SSH2: variants seen among roughly 807,000 people sequenced by gnomAD.
SSH2 encodes the protein slingshot protein phosphatase 2, also known as protein phosphatase Slingshot homolog 2.
Under a neutral mutation model 135.2 loss-of-function variants are expected in SSH2, and 37 were observed. That is an observed-to-expected ratio of 0.27 (90% CI 0.21 to 0.36). The LOEUF (loss-of-function observed/expected upper bound fraction) is 0.36. SSH2 is among the 10% of genes least tolerant of loss of function. The pLI is 1.00. For missense variants in SSH2, 1,408 were observed against 1,765.3 expected, an observed-to-expected ratio of 0.80 and a Z score of 3.63; for synonymous variants, 628 against 646.2, an observed-to-expected ratio of 0.97 and a Z score of 0.43.
At chr17:29,872,747 A>G (rs2065959401) in intron 1 of SSH2, among the ~76,000 whole-genome samples, 1 of 152,238 alleles carries the variant, frequency 6.6e-6, no homozygotes, top group Non-Finnish European at 1.5e-5. Context: ...CTGTAATTCC[A>G]GCACTTTGGG....
intron 1 of SSH2, among the ~76,000 whole-genome samples, 167 bp from the exon 2 acceptor site, chr17:29,849,096 G>T (rs920303603): frequency 2.0e-5 from 3 of 152,194 alleles, no homozygotes; most frequent in Admixed American, 1.3e-4. Flanking sequence ...CAAGGTGACT[G>T]GTTAGTTGAT....
chr17:29,749,605 C>T (rs765136028), intron 3 of SSH2, among the ~76,000 whole-genome samples: 1 of 152,320 alleles, frequency 6.6e-6, no homozygotes, highest in Non-Finnish European at 1.5e-5. Context: ...CTGGAAGTTG[C>T]TCTGGGTGAG....
chr17:29,913,210 T>C (rs1347898516), intron 1 of SSH2, among the ~76,000 whole-genome samples: 2 of 145,256 alleles, frequency 1.4e-5, no homozygotes, highest in Admixed American at 7.0e-5. Flanking sequence ...CCCAGCCACT[T>C]GGGAGGCTGA....
intron 4 of SSH2, among the ~76,000 whole-genome samples, chr17:29,701,404 C>CTTTTTT (rs55721735): frequency 1.1e-5 from 1 of 90,338 alleles, no homozygotes; most frequent in Non-Finnish European, 2.1e-5. Context: ...GTGCCTGGCT[C>CTTTTTT]TTTTTTTTTT....
Position 29,666,931 on chromosome 17 carries a change from T to C in SSH2, c.968A>G (p.Asn323Ser). Residue 323 changes from asparagine (N) to serine (S), a missense_variant, in exon 11 of 16, where the codon AAT (asparagine) becomes AGT (serine). This residue lies in a region of SSH2 where 106 missense variants were observed against 265.2 expected (regional missense o/e 0.40). Transcript: ENST00000540801. Reference protein sequence around the residue: ...NLREFKEFIDNEMIVILGQMD... With the variant: ...NLREFKEFIDSEMIVILGQMD... The stretch of plus-strand genomic sequence containing the variant: ...TTGACCAAGGATCACTATCATTTCA[T>C]TGTCTATAAATTCCTTGAATTCCCG... 6.2e-7 allele frequency: 1 copy of C among 1,614,138 alleles called. No individual in the cohort carries two copies. The highest frequency in any genetic ancestry group is 8.5e-7 in the Non-Finnish European group (1 of 1,179,982).
At chr17:29,738,495 C>T (rs2040443519) in intron 3 of SSH2, among the ~76,000 whole-genome samples, 1 of 151,658 alleles carries the variant, frequency 6.6e-6, no homozygotes, top group Non-Finnish European at 1.5e-5. Flanking sequence ...TCCTTGAGAC[C>T]TTGAGAAAGT....
In SSH2 at chr17:29,671,133, A is replaced by T. The variant is rs564381440; in HGVS notation, c.809+802T>A. ...TACTGACAAGGACTTAACAAGGCAAAGGTAGAGCAGAATGACATCTGAATG... is the reference window on the plus strand; with the variant it reads ...TACTGACAAGGACTTAACAAGGCAATGGTAGAGCAGAATGACATCTGAATG... On this transcript the variant is annotated intron_variant, in intron 9 of 15. Coordinates refer to ENST00000540801, the MANE Select transcript of SSH2 (RefSeq NM_001282129.2). 1.8e-4 allele frequency among the ~76,000 whole-genome samples: 28 copies of T among 152,296 alleles called. 1 individual carries two copies. The highest frequency in any genetic ancestry group is 6.7e-4 in the African/African-American group (28 of 41,556).
At chr17:29,761,100 A>G in intron 3 of SSH2, 1 of 1,286,292 alleles carries the variant, frequency 7.8e-7, no homozygotes, top group Non-Finnish European at 1.0e-6. Context: ...CTGCTGAAAG[A>G]GCAAACTTTC....
In SSH2 at chr17:29,630,880, G is replaced by T. The variant is rs1162319089; in HGVS notation, c.4314C>A (p.Asp1438Glu). ...HPLRRLKKAN[D>E]KKRTTNPFYN... ...AGAAGGGGTTGGTTGTCCGTTTTTT[G>T]TCATTTGCCTTTTTCAGTCTCCTAA... Residue 1438 changes from aspartate (D) to glutamate (E), a missense_variant, in exon 16 of 16, where the codon GAC (aspartate) becomes GAA (glutamate). Physicochemically the swap from Asp to Glu is conservative, Grantham distance 45 (BLOSUM62 2). Around this residue, in one of 3 missense-constraint regions of SSH2, gnomAD observed 1,080 missense variants for 1,144.5 expected, o/e 0.94. Transcript: ENST00000540801. 8 of 1,568,374 alleles carry T rather than the reference G, an allele frequency of 5.1e-6. No homozygotes were observed. In the Admixed American group the frequency reaches 9.4e-5, roughly 18 times the overall value.
At chr17:29,913,866 T>C (rs2151477827) in intron 1 of SSH2, among the ~76,000 whole-genome samples, 1 of 152,112 alleles carries the variant, frequency 6.6e-6, no homozygotes, top group South Asian at 2.1e-4. Context: ...ACTCCCGACC[T>C]CAGGTGATCC....
chr17:29,832,079 A>G (rs2042855726), intron 2 of SSH2, among the ~76,000 whole-genome samples: 1 of 152,114 alleles, frequency 6.6e-6, no homozygotes, highest in Admixed American at 6.5e-5. Flanking sequence ...TACTTACCAC[A>G]CTGTATTTCA....
At chr17:29,903,054 C>T (rs1308899263) in intron 1 of SSH2, among the ~76,000 whole-genome samples, 1 of 151,644 alleles carries the variant, frequency 6.6e-6, no homozygotes, top group African/African-American at 2.4e-5. Context: ...GGCATGGTGC[C>T]GGGCGCCTGT....
At chr17:29,651,298 A>G (rs1394532953) in intron 12 of SSH2, among the ~76,000 whole-genome samples, 1 of 152,244 alleles carries the variant, frequency 6.6e-6, no homozygotes, top group Non-Finnish European at 1.5e-5. Context: ...CCAGATTGTT[A>G]GGCTTTGTGC....
intron 1 of SSH2, among the ~76,000 whole-genome samples, chr17:29,904,617 C>T (rs2151464333): frequency 6.6e-6 from 1 of 152,272 alleles, no homozygotes; most frequent in African/African-American, 2.4e-5. Context: ...TCTCTCACCA[C>T]TCCTATCAAC....
At chr17:29,664,590 C>T (rs1598749286) in intron 11 of SSH2, among the ~76,000 whole-genome samples, 1 of 152,158 alleles carries the variant, frequency 6.6e-6, no homozygotes, top group Non-Finnish European at 1.5e-5. Context: ...AACTCCCAGG[C>T]TCAGGTGATT....
chr17:29,916,895 T>C (rs1254062410), intron 1 of SSH2, among the ~76,000 whole-genome samples: 3 of 152,168 alleles, frequency 2.0e-5, no homozygotes, highest in African/African-American at 7.2e-5. Flanking sequence ...AAATTCCTAC[T>C]GTTTCTATTT....
At chr17:29,711,833 A>G (rs553966123) in intron 3 of SSH2, among the ~76,000 whole-genome samples, 40 of 152,132 alleles carry the variant, frequency 2.6e-4, no homozygotes, top group African/African-American at 9.6e-4. Flanking sequence ...GGTATGGGAC[A>G]CTCTGCTCCT....
chr17:29,800,682 T>C (rs1055979832), intron 2 of SSH2, among the ~76,000 whole-genome samples: 3 of 151,766 alleles, frequency 2.0e-5, no homozygotes, highest in Admixed American at 2.0e-4. Flanking sequence ...TTAATTAATT[T>C]AATAATTAAA....
At chr17:29,775,288 CTTTT>C (rs556652594) in intron 3 of SSH2, among the ~76,000 whole-genome samples, 12 of 134,126 alleles carry the variant, frequency 8.9e-5, no homozygotes, top group Admixed American at 3.8e-4. Context: ...TCCTTCTTTC[CTTTT>C]TTTTTTTTTT....
Sources: allele counts gnomAD v4.1 joint callset (sites outside exome capture counted in the v4.1 genomes callset), GRCh38; gene constraint gnomAD v4.1.1; regional missense constraint gnomAD v4.1.1; transcripts MANE v1.5; gene names NCBI Gene and HGNC (gene_info 2026-07-23, HGNC 2026-07-21).